Variants in GBE1 observed in about 807,000 individuals in gnomAD.
The protein encoded by GBE1 is 1,4-alpha-glucan branching enzyme 1, also known as 1,4-alpha-glucan-branching enzyme.
A neutral mutation model predicts 88.8 loss-of-function variants in GBE1; 70 were observed. The observed-to-expected ratio is 0.79, with a 90% CI of 0.65 to 0.96. The LOEUF is 0.96. GBE1 is among the 40% of genes least tolerant of loss of function. The pLI is 0.00. For missense variants in GBE1, 872 were observed against 871.0 expected (o/e 1.00, Z -0.01); for synonymous variants, 284 against 300.1 (o/e 0.95, Z 0.56).
intron 7 of GBE1, among the ~76,000 whole-genome samples, chr3:81,609,174 A>C (rs1247590060): frequency 6.6e-6 from 1 of 152,152 alleles, no homozygotes; most frequent in Non-Finnish European, 1.5e-5. Flanking sequence ...GGAAGAAAAA[A>C]GGGGAATGAA....
chr3:81,713,713 T>A (rs1410893767), intron 1 of GBE1, among the ~76,000 whole-genome samples: 15 of 152,186 alleles, frequency 9.9e-5, no homozygotes, highest in Admixed American at 9.8e-4. Flanking sequence ...ATGTTGTAAA[T>A]GTCATCAAAT....
At chr3:81,679,280 T>A (rs866669672) in intron 2 of GBE1, among the ~76,000 whole-genome samples, 2 of 152,194 alleles carry the variant, frequency 1.3e-5, no homozygotes, top group South Asian at 4.1e-4. Context: ...AATACACTTA[T>A]GGTTCTGAAT....
chr3:81,594,023 G>A lies in GBE1; in HGVS notation c.993C>T (p.Ser331=). ...LWDSRLFAYS[S]WEILRFLLSN... is the part of the protein sequence containing the mutation. ...ACAGAAGGAATCTTAAAATTTCCCA[G>A]CTAAAATATAAGAGAAATATGTATT... Residue 331 remains serine (S), a splice_region_variant and synonymous_variant, in exon 8 of 16, where the codon AGC becomes AGT. Transcript: ENST00000429644. 7.2e-7 allele frequency: 1 copy of A among 1,381,674 alleles called. No individual in the cohort carries two copies. The highest frequency in any genetic ancestry group is 2.4e-5 in the East Asian group (1 of 41,326). The allele number at this position is 1,381,674 out of a possible 1,614,324, so 85.6% of individuals were successfully genotyped here.
At chr3:81,512,344 A>G (rs1426574014) in intron 14 of GBE1, among the ~76,000 whole-genome samples, 3 of 151,872 alleles carry the variant, frequency 2.0e-5, no homozygotes, top group Non-Finnish European at 4.4e-5. Context: ...CATGTAACAA[A>G]CCTGTACATG....
intron 1 of GBE1, among the ~76,000 whole-genome samples, chr3:81,710,621 G>A (rs1473817137): frequency 6.6e-6 from 1 of 151,828 alleles, no homozygotes; most frequent in Non-Finnish European, 1.5e-5. Flanking sequence ...GGGGCTCGGG[G>A]GAACCTCATA....
At chr3:81,626,170 T>C (rs1456239685) in intron 7 of GBE1, among the ~76,000 whole-genome samples, 2 of 152,190 alleles carry the variant, frequency 1.3e-5, no homozygotes, top group Non-Finnish European at 2.9e-5. Flanking sequence ...AGCACATCTA[T>C]TCTAATTTCA....
At chr3:81,591,560 T>C (rs1703877349) in intron 8 of GBE1, among the ~76,000 whole-genome samples, 1 of 152,030 alleles carries the variant, frequency 6.6e-6, no homozygotes, top group Admixed American at 6.6e-5. Context: ...GAAAAGAAAA[T>C]AGGAAAACCA....
intron 14 of GBE1, among the ~76,000 whole-genome samples, chr3:81,508,265 T>A (rs1444846163): frequency 6.6e-6 from 1 of 152,238 alleles, no homozygotes; most frequent in East Asian, 1.9e-4. Context: ...CCTAGAAGAT[T>A]ATATAACTTA....
chr3:81,707,473 C>T (rs1705793923), intron 1 of GBE1, among the ~76,000 whole-genome samples: 1 of 151,878 alleles, frequency 6.6e-6, no homozygotes, highest in South Asian at 2.1e-4. Context: ...CAAACACATA[C>T]AAGACTGAAC....
At chr3:81,706,204 G>C (rs1576206950) in intron 1 of GBE1, among the ~76,000 whole-genome samples, 1 of 152,166 alleles carries the variant, frequency 6.6e-6, no homozygotes, top group South Asian at 2.1e-4. Flanking sequence ...ACAAAAAACA[G>C]GTAGTGGGCC....
chr3:81,718,237 C>T (rs1705969744), intron 1 of GBE1, among the ~76,000 whole-genome samples: 1 of 152,104 alleles, frequency 6.6e-6, no homozygotes, highest in African/African-American at 2.4e-5. Flanking sequence ...GCCTCAGCTT[C>T]CCAAAGTGCT....
At chr3:81,551,615 C>T (rs2106895002) in intron 12 of GBE1, among the ~76,000 whole-genome samples, 2 of 152,316 alleles carry the variant, frequency 1.3e-5, no homozygotes, top group East Asian at 3.9e-4. Flanking sequence ...GTTGTCCCAC[C>T]TGTCCTTCAA....
chr3:81,501,061 A>T (rs993012823), intron 14 of GBE1, among the ~76,000 whole-genome samples: 14 of 152,168 alleles, frequency 9.2e-5, no homozygotes, highest in Admixed American at 7.9e-4. Flanking sequence ...AACAACAGGC[A>T]GTTTGCCCAG....
At chr3:81,737,901 C>G (rs6771266) in intron 1 of GBE1, among the ~76,000 whole-genome samples, 87,222 of 151,794 alleles carry the variant, frequency 0.57, 25,669 homozygotes, top group East Asian at 0.94. Context: ...ATTCCTCCCC[C>G]CTTCCCCCAC....
rs114963708 is a variant in GBE1 at position 81,501,209 on chromosome 3, G to A, written c.1935-1982C>T. Among the ~76,000 whole-genome samples, 563 of 152,300 alleles carry A rather than the reference G, an allele frequency of 3.7e-3. 4 individuals are homozygous for A. The highest frequency in any genetic ancestry group is 0.024 in the Middle Eastern group (7 of 294). On this transcript the variant is annotated intron_variant, in intron 14 of 15. Coordinates refer to ENST00000429644, the MANE Select transcript of GBE1 (RefSeq NM_000158.4). Reference sequence around the variant, plus strand: ...GGAATGTGACAAGACACAAGAGCTTGTGCCGGGGGCAGTAAATTGTGGGAA... The same window carrying A: ...GGAATGTGACAAGACACAAGAGCTTATGCCGGGGGCAGTAAATTGTGGGAA...
intron 14 of GBE1, among the ~76,000 whole-genome samples, chr3:81,515,904 G>T (rs958255125): frequency 1.3e-5 from 2 of 151,584 alleles, no homozygotes; most frequent in African/African-American, 4.8e-5. Flanking sequence ...TTCTATGAAG[G>T]CTGGGAGAGG....
At chr3:81,539,511 T>C (rs1160277988) in intron 12 of GBE1, among the ~76,000 whole-genome samples, 1 of 151,892 alleles carries the variant, frequency 6.6e-6, no homozygotes, top group African/African-American at 2.4e-5. Flanking sequence ...ATATCTCTGG[T>C]ACCATGTGGA....
At chr3:81,656,337 A>C (rs1330713962) in intron 3 of GBE1, among the ~76,000 whole-genome samples, 1 of 152,118 alleles carries the variant, frequency 6.6e-6, no homozygotes, top group Non-Finnish European at 1.5e-5. Flanking sequence ...CCCAGGAGGG[A>C]GAGAGTGGAG....
chr3:81,521,556 A>G (rs1702874539), intron 14 of GBE1, among the ~76,000 whole-genome samples: 1 of 151,606 alleles, frequency 6.6e-6, no homozygotes, highest in South Asian at 2.1e-4. Context: ...CAGAAAGATA[A>G]AAGGCCAAAA....
Sources: allele counts gnomAD v4.1 joint callset (sites outside exome capture counted in the v4.1 genomes callset), GRCh38; gene constraint gnomAD v4.1.1; transcripts MANE v1.5; gene names NCBI Gene and HGNC (gene_info 2026-07-23, HGNC 2026-07-21).